Variants in NRF1 observed in about 807,000 individuals in gnomAD.
NRF1 encodes the protein nuclear respiratory factor 1, also known as alpha palindromic-binding protein.
A neutral mutation model predicts 58.5 loss-of-function variants in NRF1; 5 were observed. The observed-to-expected ratio is 0.09, with a 90% CI of 0.04 to 0.18. The LOEUF is 0.18. Among genes scored for constraint, NRF1 ranks in the 10% least tolerant of loss-of-function variants. The pLI is 1.00. For missense variants in NRF1, 288 were observed against 657.7 expected (o/e 0.44, Z 6.15); for synonymous variants, 224 against 246.7 (o/e 0.91, Z 0.86).
At chr7:129,639,900 T>C (rs533177486) in intron 1 of NRF1, among the ~76,000 whole-genome samples, 5 of 152,184 alleles carry the variant, frequency 3.3e-5, no homozygotes, top group African/African-American at 1.2e-4. Flanking sequence ...CTACTGAAAA[T>C]GGGAATGGAT....
At chr7:129,640,476 C>T (rs148664890) in intron 1 of NRF1, among the ~76,000 whole-genome samples, 3 of 152,248 alleles carry the variant, frequency 2.0e-5, no homozygotes, top group Non-Finnish European at 2.9e-5. Context: ...CACCACTGCA[C>T]TCCAGCCTAG....
At chr7:129,627,411 A>G (rs1309870065) in intron 1 of NRF1, among the ~76,000 whole-genome samples, 1 of 151,950 alleles carries the variant, frequency 6.6e-6, no homozygotes, top group Non-Finnish European at 1.5e-5. Context: ...CGTAGATACA[A>G]GGTCTCACCA....
At chr7:129,724,413 C>A (rs1803402507) in intron 9 of NRF1, among the ~76,000 whole-genome samples, 1 of 152,150 alleles carries the variant, frequency 6.6e-6, no homozygotes, top group African/African-American at 2.4e-5. Context: ...GAAATTGGAA[C>A]CCTTGTGCAC....
At chr7:129,645,666 T>G (rs1231365817) in intron 1 of NRF1, among the ~76,000 whole-genome samples, 1 of 152,182 alleles carries the variant, frequency 6.6e-6, no homozygotes, top group East Asian at 1.9e-4. Context: ...GTCAGTGTTA[T>G]TTCTATGAAG....
At chr7:129,673,744 C>T (rs953388448) in intron 3 of NRF1, among the ~76,000 whole-genome samples, 11 of 143,666 alleles carry the variant, frequency 7.7e-5, no homozygotes, top group Non-Finnish European at 1.1e-4. Flanking sequence ...AAGCTGTTTT[C>T]GGTTTGATGG....
chr7:129,694,823 A>T (rs1321924033), intron 5 of NRF1, among the ~76,000 whole-genome samples: 1 of 152,242 alleles, frequency 6.6e-6, no homozygotes, highest in South Asian at 2.1e-4. Context: ...CACTTTCTCT[A>T]GATGGCAGGT....
chr7:129,644,863 TAGA>T (rs913933144), intron 1 of NRF1, among the ~76,000 whole-genome samples: 6 of 152,214 alleles, frequency 3.9e-5, no homozygotes, highest in Non-Finnish European at 5.9e-5. Context: ...ATAATTTGAA[TAGA>T]AGAAGATTGG....
intron 5 of NRF1, 24 bp from the exon 6 acceptor site, chr7:129,709,051 G>C (rs772928705): frequency 6.9e-6 from 10 of 1,443,958 alleles, no homozygotes; most frequent in Non-Finnish European, 9.2e-6. Flanking sequence ...CATGAGTATT[G>C]ATGACCACAC....
At chr7:129,705,769 AAAG>A (rs1802935017) in intron 5 of NRF1, among the ~76,000 whole-genome samples, 1 of 152,092 alleles carries the variant, frequency 6.6e-6, no homozygotes, top group South Asian at 2.1e-4. Flanking sequence ...AAAAAAAAGA[AAAG>A]AAGGAAAAGT....
chr7:129,666,218 G>A (rs1018569188), intron 2 of NRF1, among the ~76,000 whole-genome samples: 4 of 152,104 alleles, frequency 2.6e-5, no homozygotes, highest in African/African-American at 9.7e-5. Context: ...TACAGATATG[G>A]TTGAAATTCT....
chr7:129,730,818 T>C (rs1803560599), intron 10 of NRF1, among the ~76,000 whole-genome samples: 1 of 151,690 alleles, frequency 6.6e-6, no homozygotes, highest in Admixed American at 6.6e-5. Context: ...TCTACAAAAA[T>C]TTTAAAAAAT....
At chr7:129,712,353 T>C (rs1027179905) in intron 8 of NRF1, among the ~76,000 whole-genome samples, 2 of 152,192 alleles carry the variant, frequency 1.3e-5, no homozygotes, top group South Asian at 2.1e-4. Flanking sequence ...GTGCTGAAGT[T>C]TGAAAAATAG....
chr7:129,749,277 G>A (rs1804055555), intron 10 of NRF1, among the ~76,000 whole-genome samples: 1 of 152,172 alleles, frequency 6.6e-6, no homozygotes, highest in African/African-American at 2.4e-5. Context: ...TATTTGAAGG[G>A]AGAGAATCAG....
intron 3 of NRF1, among the ~76,000 whole-genome samples, chr7:129,673,846 T>A (rs975439245): frequency 1.3e-5 from 2 of 151,488 alleles, no homozygotes; most frequent in Admixed American, 6.6e-5. Flanking sequence ...AAAATTTTTT[T>A]AAGCTGTTTT....
intron 1 of NRF1, among the ~76,000 whole-genome samples, chr7:129,614,443 T>TTGTGTGTGTGTGTG (rs56403369): frequency 0.22 from 31,843 of 145,636 alleles, 3,858 homozygotes; most frequent in African/African-American, 0.32. Flanking sequence ...AAATATGTAT[T>TTGTGTGTGTGTGTG]TGTGTGTGTG....
chr7:129,634,961 T>C (rs1203404586), intron 1 of NRF1, among the ~76,000 whole-genome samples: 1 of 152,234 alleles, frequency 6.6e-6, no homozygotes, highest in African/African-American at 2.4e-5. Context: ...TGCTTTCTCT[T>C]TTCTTTATCT....
At position 129,669,147 on chromosome 7, in the gene NRF1, A is replaced by G. The variant is rs527269302; in HGVS notation, c.224-2282A>G. On this transcript the variant is annotated intron_variant, in intron 2 of 10. Transcript: ENST00000393232. ...TTTTTAGTAGAGATGGGGTTTCACC[A>G]TATTGGCCAGGCTGGTCTCAAACTC... Among the ~76,000 whole-genome samples the G allele has an allele frequency of 4.6e-5, 7 of 152,146 alleles. No individual in the cohort carries two copies. The South Asian group carries it at 1.2e-3, about 27-fold the overall frequency.
intron 1 of NRF1, among the ~76,000 whole-genome samples, 191 bp downstream of exon 1, chr7:129,612,015 C>T (rs1245807213): frequency 6.7e-6 from 1 of 149,476 alleles, no homozygotes; most frequent in East Asian, 2.0e-4. Flanking sequence ...ACCGCCACCC[C>T]GAGGATGCGC....
intron 1 of NRF1, among the ~76,000 whole-genome samples, chr7:129,653,946 T>G (rs1299641959): frequency 6.6e-6 from 1 of 152,212 alleles, no homozygotes; most frequent in Non-Finnish European, 1.5e-5. Flanking sequence ...ATGTGCAGGT[T>G]TTTATGTGGA....
Sources: gnomAD v4.1 joint callset for allele counts (sites outside exome capture counted in the v4.1 genomes callset) on GRCh38, gnomAD v4.1.1 for gene constraint, MANE v1.5 for transcripts, NCBI Gene and HGNC (gene_info 2026-07-23, HGNC 2026-07-21) for gene names.